PDZD4: variants seen among roughly 807,000 people sequenced by gnomAD.
PDZD4 encodes the protein PDZ domain containing 4.
A neutral mutation model predicts 38.5 loss-of-function variants in PDZD4; 9 were observed. The ratio of observed to expected loss-of-function variants is 0.23; its 90% CI spans 0.14 to 0.41. The LOEUF (loss-of-function observed/expected upper bound fraction) is 0.41. Ranked by LOEUF, PDZD4 falls within the 10% of genes least tolerant of loss-of-function variation. The pLI, the probability that PDZD4 is intolerant of heterozygous loss-of-function variation, is 1.00. For missense variants in PDZD4, 612 were observed against 722.0 expected (o/e 0.85, Z 1.75); for synonymous variants, 349 against 315.7 (o/e 1.11, Z -1.12).
intron 1 of PDZD4, among the ~76,000 whole-genome samples, chrX:153,828,792 C>A (rs1455641922): frequency 8.9e-6 from 1 of 112,042 alleles, no homozygotes; most frequent in African/African-American, 3.2e-5. Flanking sequence ...TGGAATGACT[C>A]CCGAAAAGGA....
intron 1 of PDZD4, among the ~76,000 whole-genome samples, chrX:153,820,492 C>G (rs2064412024): frequency 9.1e-6 from 1 of 110,419 alleles, no homozygotes; most frequent in Non-Finnish European, 1.9e-5. Context: ...CACACTCCAG[C>G]CTGGGTGACA....
At chrX:153,824,232 G>A (rs1557081986) in intron 1 of PDZD4, among the ~76,000 whole-genome samples, 3 of 111,297 alleles carry the variant, frequency 2.7e-5, no homozygotes. Context: ...CCCGAGATGA[G>A]AGGGGAAAGG....
chrX:153,802,863 C>A lies in PDZD4; in HGVS notation c.*490G>T, dbSNP rs1557075000. On this transcript the variant is annotated 3_prime_UTR_variant, in exon 8 of 8. Coordinates refer to ENST00000393758, the MANE Select transcript of PDZD4 (RefSeq NM_001303512.2). ...TGGCAAGCACAGAAAGGGAGAAAAA[C>A]CACAAAAATCAGGGGTGCCTTTGTC... 8.7e-6 allele frequency: 1 copy of A among 114,482 alleles called. No homozygotes were observed. The highest frequency in any genetic ancestry group is 2.8e-4 in the East Asian group (1 of 3,618). The allele number at this position is 114,482 out of a possible 1,213,427, so 9.4% of individuals were successfully genotyped here.
rs1557076244 is a variant in PDZD4 at position 153,804,685 on chromosome X, G to C, written c.996C>G (p.Asp332Glu). The C allele has an allele frequency of 1.7e-6, 2 of 1,204,246 alleles. No individual in the cohort carries two copies. Among genetic ancestry groups the C allele is most frequent in the Admixed American group, 4.4e-5 (2 of 45,691 alleles). The change falls in exon 8 of 8, where the codon GAC becomes GAG. Residue 332 changes from aspartate to glutamate, a missense_variant. Transcript: ENST00000393758. ...GCAGAGAGTCCATGCTGAAATGGAAGTCCCGGCTCTGCAGGGCGTCCCCTT... is the reference window on the plus strand; with the variant it reads ...GCAGAGAGTCCATGCTGAAATGGAACTCCCGGCTCTGCAGGGCGTCCCCTT... The part of the protein sequence containing the change: ...GLQGDALQSR[D>E]FHFSMDSLLA...
At chrX:153,805,350 G>C in intron 6 of PDZD4, 143 bp from the exon 7 acceptor site, 1 of 693,327 alleles carries the variant, frequency 1.4e-6, no homozygotes, top group South Asian at 2.6e-5. Context: ...AGCCTTCAGA[G>C]GCCAGGAGGG....
At chrX:153,805,402 A>T (rs1346429988) in intron 6 of PDZD4, 103 bp downstream of exon 6, 1 of 507,256 alleles carries the variant, frequency 2.0e-6, no homozygotes, top group African/African-American at 2.6e-5. Flanking sequence ...GCCCTCCATC[A>T]ACTCCAGGTC....
Position 153,802,929 on chromosome X carries a change from C to T in PDZD4, c.*424G>A, listed in dbSNP as rs781986073. ...TGCGCAGCGGCGGGGAGAGGCCGCG[C>T]TCAGCAGCGAAGCCGGACACTCTCT... On this transcript the variant is annotated 3_prime_UTR_variant, in exon 8 of 8. Coordinates refer to ENST00000393758, the MANE Select transcript of PDZD4 (RefSeq NM_001303512.2). 50 of 127,527 alleles carry T rather than the reference C, an allele frequency of 3.9e-4. No individual in the cohort carries two copies. Among genetic ancestry groups the T allele is most frequent in the Middle Eastern group, 3.4e-3 (1 of 293 alleles). The allele number at this position is 127,527 out of a possible 1,213,427, so 10.5% of individuals were successfully genotyped here.
chrX:153,808,148 A>G (rs1557077766), intron 2 of PDZD4, 194 bp downstream of exon 2: 2 of 1,070,809 alleles, frequency 1.9e-6, no homozygotes, highest in Middle Eastern at 6.8e-4. Context: ...CCCTGGGGGT[A>G]GATACAACGG....
rs1024347346 is a variant in PDZD4, at chrX:153,802,219, G to C, written c.*1134C>G. ...TATTCTTGAGATGCAGGGGGGGAAG[G>C]GGTGGTGCAGTCTGTCTGCCTCCAA... is the stretch of plus-strand genomic sequence containing the variant. On this transcript the variant is annotated 3_prime_UTR_variant, in exon 8 of 8. Coordinates refer to ENST00000393758, the MANE Select transcript of PDZD4 (RefSeq NM_001303512.2). The C allele has an allele frequency of 1.8e-5, 2 of 112,100 alleles. No individual in the cohort carries two copies. The highest frequency in any genetic ancestry group is 6.5e-5 in the African/African-American group (2 of 30,863). The allele number at this position is 112,100 out of a possible 1,213,427, so 9.2% of individuals were successfully genotyped here.
At chrX:153,815,608 G>A (rs1005522238) in intron 1 of PDZD4, among the ~76,000 whole-genome samples, 40 of 112,587 alleles carry the variant, frequency 3.6e-4, no homozygotes, top group African/African-American at 1.1e-3. Context: ...TTACAAGGAC[G>A]TTTACAATTT....
At chrX:153,805,038 G>A (rs1391884586) in intron 7 of PDZD4, 59 bp downstream of exon 7, 3 of 1,146,980 alleles carry the variant, frequency 2.6e-6, no homozygotes, top group African/African-American at 1.8e-5. Flanking sequence ...CAGCCTCAGC[G>A]CCTTCCACCC....
At chrX:153,807,475 T>C (rs2064263653) in intron 2 of PDZD4, 106 bp from the exon 3 acceptor site, 1 of 826,755 alleles carries the variant, frequency 1.2e-6, no homozygotes, top group Admixed American at 3.1e-5. Context: ...AGGCCTGCTC[T>C]GCTTGTGCTC....
At chrX:153,822,186 C>CAA (rs57857575) in intron 1 of PDZD4, among the ~76,000 whole-genome samples, 18 of 47,375 alleles carry the variant, frequency 3.8e-4, no homozygotes, top group African/African-American at 7.6e-4. Context: ...GACTCTGTCT[C>CAA]AAAAAAAAAA....
intron 7 of PDZD4, 21 bp from the exon 8 acceptor site, chrX:153,804,921 C>A: frequency 8.4e-7 from 1 of 1,190,432 alleles, no homozygotes; most frequent in Non-Finnish European, 1.1e-6. Flanking sequence ...AAGGTAAGTA[C>A]CGCTCAGTTA....
intron 1 of PDZD4, chrX:153,829,955 A>C: frequency 1.0e-5 from 8 of 792,023 alleles, no homozygotes; most frequent in Admixed American, 6.8e-5. Context: ...TGTGCGGGGA[A>C]CTGCGCTCGT....
chrX:153,819,490 C>T (rs1296470895), intron 1 of PDZD4, among the ~76,000 whole-genome samples: 3 of 112,330 alleles, frequency 2.7e-5, no homozygotes, highest in African/African-American at 6.5e-5. Flanking sequence ...CTTCCAGGGG[C>T]CCCCGTGGCT....
In PDZD4 at chrX:153,804,387, G is replaced by A; in HGVS notation, c.1294C>T (p.Arg432Cys). 1 of 1,209,351 alleles carries A rather than the reference G, an allele frequency of 8.3e-7. No individual in the cohort carries two copies. Among genetic ancestry groups the A allele is most frequent in the Non-Finnish European group, 1.1e-6 (1 of 895,484 alleles). ...AGCCAGGCCTTCATGCAGCGCTCAC[G>A]CAGCTGCTGCATCTTCTGCGCCCGC... ...ILRAQKMQQL[R>C]ERCMKAWLLE... is the part of the protein sequence containing the mutation. The change falls in exon 8 of 8, where the codon CGT becomes TGT. Residue 432 changes from arginine to cysteine, a missense_variant. Arg to Cys is a radical substitution (Grantham distance 180). This residue lies in a region of PDZD4 where 300 missense variants were observed against 284.6 expected (regional missense o/e 1.05). Transcript: ENST00000393758.
intron 1 of PDZD4, among the ~76,000 whole-genome samples, chrX:153,813,744 C>T (rs1217103470): frequency 9.0e-6 from 1 of 111,250 alleles, no homozygotes; most frequent in Non-Finnish European, 1.9e-5. Flanking sequence ...CTAAGTGATG[C>T]GAGATGATGC....
chrX:153,807,865 G>A, intron 2 of PDZD4: 1 of 979,407 alleles, frequency 1.0e-6, no homozygotes, highest in Non-Finnish European at 1.3e-6. Context: ...CCGCAGCCCG[G>A]GCTAAGATTA....
Sources: allele counts gnomAD v4.1 joint callset (sites outside exome capture counted in the v4.1 genomes callset), GRCh38; gene constraint gnomAD v4.1.1; regional missense constraint gnomAD v4.1.1; transcripts MANE v1.5; gene names NCBI Gene and HGNC (gene_info 2026-07-23, HGNC 2026-07-21).